The following RETREG1 variants were observed in gnomAD, a reference collection of about 807,000 sequenced individuals.
RETREG1 encodes the protein reticulophagy regulator 1.
In RETREG1, 44 loss-of-function variants were observed where a neutral mutation model predicts 54.8. The ratio of observed to expected loss-of-function variants is 0.80; its 90% CI spans 0.63 to 1.03. RETREG1 has a LOEUF of 1.03. RETREG1 is among the 50% of genes least tolerant of loss of function. The pLI is 0.00. For missense variants in RETREG1, 554 were observed against 605.1 expected, an observed-to-expected ratio of 0.92 and a Z score of 0.89; for synonymous variants, 217 against 238.5, an observed-to-expected ratio of 0.91 and a Z score of 0.83.
chr5:16,540,432 T>C (rs564964133), intron 3 of RETREG1, among the ~76,000 whole-genome samples: 1 of 152,362 alleles, frequency 6.6e-6, no homozygotes, highest in East Asian at 1.9e-4. Flanking sequence ...AACGGATTCC[T>C]TTCCACCATG....
chr5:16,478,807 G>A, intron 6 of RETREG1, 43 bp downstream of exon 6: 1 of 1,581,818 alleles, frequency 6.3e-7, no homozygotes, highest in Middle Eastern at 1.7e-4. Flanking sequence ...GCTCGCTAAT[G>A]TCTCATTTCA....
intron 1 of RETREG1, among the ~76,000 whole-genome samples, chr5:16,576,109 G>T (rs1742310015): frequency 6.6e-6 from 1 of 152,252 alleles, no homozygotes; most frequent in African/African-American, 2.4e-5. Context: ...TACACAAAAA[G>T]AGAGGCCAGA....
At chr5:16,494,929 C>A (rs1452507425) in intron 3 of RETREG1, among the ~76,000 whole-genome samples, 1 of 152,080 alleles carries the variant, frequency 6.6e-6, no homozygotes, top group Non-Finnish European at 1.5e-5. Flanking sequence ...TGGTGGTGAC[C>A]AAAATGCTGG....
chr5:16,539,240 A>T (rs1741169303), intron 3 of RETREG1, among the ~76,000 whole-genome samples: 1 of 152,154 alleles, frequency 6.6e-6, no homozygotes, highest in African/African-American at 2.4e-5. Context: ...GCCTGTTCAG[A>T]TGAGCCTGGA....
chr5:16,535,541 C>T (rs1047475763), intron 3 of RETREG1, among the ~76,000 whole-genome samples: 5 of 151,420 alleles, frequency 3.3e-5, no homozygotes, highest in African/African-American at 9.7e-5. Flanking sequence ...ATGCTGCCTT[C>T]GCAGAGTGGG....
At chr5:16,522,358 G>A (rs1278807770) in intron 3 of RETREG1, among the ~76,000 whole-genome samples, 1 of 152,194 alleles carries the variant, frequency 6.6e-6, no homozygotes, top group Non-Finnish European at 1.5e-5. Context: ...GAGAGGCACA[G>A]TTTATCACAT....
At chr5:16,568,026 G>A (rs959667584) in intron 2 of RETREG1, among the ~76,000 whole-genome samples, 1 of 152,112 alleles carries the variant, frequency 6.6e-6, no homozygotes, top group Non-Finnish European at 1.5e-5. Flanking sequence ...CTATCTCAAT[G>A]AGAGAGAATG....
rs192278184 is a variant in RETREG1 at position 16,533,070 on chromosome 5, G to A, written c.458+32693C>T. ...TATGAACTTTTTTTTTTTTTGAGACGGAGTCTCTCTCTCGCCCAGGCTGGA... is the reference window on the plus strand; with the variant it reads ...TATGAACTTTTTTTTTTTTTGAGACAGAGTCTCTCTCTCGCCCAGGCTGGA... On this transcript the variant is annotated intron_variant, in intron 3 of 8. Transcript: ENST00000306320. Among the ~76,000 whole-genome samples, 27 of 151,124 alleles carry A rather than the reference G, an allele frequency of 1.8e-4. No homozygotes were observed. The East Asian group carries it at 4.1e-3, about 23-fold the overall frequency.
At chr5:16,612,346 A>C (rs1051781134) in intron 1 of RETREG1, among the ~76,000 whole-genome samples, 59 of 152,322 alleles carry the variant, frequency 3.9e-4, no homozygotes, top group Admixed American at 2.1e-3. Context: ...TTAAAAAAAA[A>C]CCAACATTTT....
chr5:16,589,375 T>C (rs1742699216), intron 1 of RETREG1, among the ~76,000 whole-genome samples: 2 of 151,752 alleles, frequency 1.3e-5, no homozygotes, highest in South Asian at 4.2e-4. Flanking sequence ...TTCTTTTTTG[T>C]TTGTTTATTT....
Position 16,477,646 on chromosome 5 carries a change from A to G in RETREG1, c.1000+16T>C, listed in dbSNP as rs1435084555. 1.9e-6 allele frequency: 3 copies of G among 1,611,902 alleles called. No individual in the cohort carries two copies. Among genetic ancestry groups the G allele is most frequent in the Non-Finnish European group, 1.7e-6 (2 of 1,178,582 alleles). On this transcript the variant is annotated intron_variant, in intron 8 of 8. Transcript: ENST00000306320. ...TGCACTCATAAAAATAAATGTCTCC[A>G]GAAATATTAGCATACCATCAGAAGT...
intron 3 of RETREG1, among the ~76,000 whole-genome samples, chr5:16,553,705 G>C (rs1340967982): frequency 6.6e-6 from 1 of 152,048 alleles, no homozygotes; most frequent in Non-Finnish European, 1.5e-5. Context: ...GGGGTGGGCG[G>C]GGGAGCAACT....
chr5:16,526,391 T>C (rs978312282), intron 3 of RETREG1, among the ~76,000 whole-genome samples: 1 of 152,190 alleles, frequency 6.6e-6, no homozygotes, highest in African/African-American at 2.4e-5. Flanking sequence ...CTGCCTTAGT[T>C]ACAAGCCAGG....
chr5:16,563,713 A>G (rs188426849), intron 3 of RETREG1, among the ~76,000 whole-genome samples: 1 of 152,298 alleles, frequency 6.6e-6, no homozygotes, highest in East Asian at 1.9e-4. Context: ...TGTGGGTAAA[A>G]TGTATTTATA....
chr5:16,552,174 C>T (rs748602747), intron 3 of RETREG1, among the ~76,000 whole-genome samples: 2 of 152,136 alleles, frequency 1.3e-5, no homozygotes, highest in Non-Finnish European at 2.9e-5. Context: ...GTGTGGAAGA[C>T]GTTCTTTAGC....
intron 1 of RETREG1, among the ~76,000 whole-genome samples, chr5:16,607,504 CT>C (rs1217990881): frequency 6.6e-6 from 1 of 152,016 alleles, no homozygotes; most frequent in Non-Finnish European, 1.5e-5. Flanking sequence ...ATCCCAGCTA[CT>C]TGGGAGGCTG....
In RETREG1 at chr5:16,557,716, T is replaced by C. The variant is rs143841075; in HGVS notation, c.458+8047A>G. Among the ~76,000 whole-genome samples, 31 of 152,336 alleles carry C rather than the reference T, an allele frequency of 2.0e-4. No individual in the cohort carries two copies. In the East Asian group the frequency reaches 5.4e-3, roughly 27 times the overall value. The stretch of plus-strand genomic sequence containing the variant: ...GGGTACAGACTTTAAAACTGGTGCT[T>C]AGTTCCCAGGCTCGCCTAGGCCTCT... On this transcript the variant is annotated intron_variant, in intron 3 of 8. Coordinates refer to ENST00000306320, the MANE Select transcript of RETREG1 (RefSeq NM_001034850.3).
intron 3 of RETREG1, among the ~76,000 whole-genome samples, chr5:16,549,463 C>T (rs377259435): frequency 2.0e-5 from 3 of 152,108 alleles, no homozygotes; most frequent in Non-Finnish European, 4.4e-5. Flanking sequence ...GAAAGGTGGG[C>T]TTTTCTATTC....
rs2305279 is a variant in RETREG1, at chr5:16,480,953, C to T, written c.670+56G>A. 0.23 allele frequency: 279,063 copies of T among 1,196,270 alleles called. 34,152 individuals carry two copies. The highest frequency in any genetic ancestry group is 0.33 in the South Asian group (27,542 of 82,380). 74.1% of individuals were successfully genotyped at this position (1,196,270 alleles called of 1,614,324 possible). On this transcript the variant is annotated intron_variant, in intron 5 of 8. Coordinates refer to ENST00000306320, the MANE Select transcript of RETREG1 (RefSeq NM_001034850.3). ...CTCTTCAAACTACAGGTCTGTTGACCGTAAGGTGATACCATATGCATCACA... is the reference window on the plus strand; with the variant it reads ...CTCTTCAAACTACAGGTCTGTTGACTGTAAGGTGATACCATATGCATCACA...
Sources: allele counts gnomAD v4.1 joint callset (sites outside exome capture counted in the v4.1 genomes callset), GRCh38; gene constraint gnomAD v4.1.1; transcripts MANE v1.5; gene names NCBI Gene and HGNC (gene_info 2026-07-23, HGNC 2026-07-21).